MICAL2: variants seen among roughly 807,000 people sequenced by gnomAD.
MICAL2 encodes the protein [F-actin]-monooxygenase MICAL2.
A neutral mutation model predicts 127.3 loss-of-function variants in MICAL2; 77 were observed. That is an observed-to-expected ratio of 0.60 (90% CI 0.50 to 0.73). The LOEUF (loss-of-function observed/expected upper bound fraction) is 0.73. MICAL2 is among the 30% of genes least tolerant of loss of function. The pLI is 0.00. For missense variants in MICAL2, 1,351 were observed against 1,434.4 expected (o/e 0.94, Z 0.94); for synonymous variants, 570 against 551.1 (o/e 1.03, Z -0.48).
chr11:12,217,642 T>G (rs1590404702), intron 8 of MICAL2, among the ~76,000 whole-genome samples: 1 of 151,912 alleles, frequency 6.6e-6, no homozygotes, highest in South Asian at 2.1e-4. Context: ...GCTTGATGGG[T>G]TTTGTGTTTT....
At chr11:12,266,184 A>G (rs1252078604), downstream of MICAL2, among the ~76,000 whole-genome samples, 4 of 152,188 alleles carry the variant, frequency 2.6e-5, no homozygotes, top group Non-Finnish European at 4.4e-5. Flanking sequence ...TAAGAAAAAA[A>G]TATGAACTTC....
chr11:12,179,132 G>A (rs747733993), intron 3 of MICAL2, among the ~76,000 whole-genome samples: 5 of 152,092 alleles, frequency 3.3e-5, no homozygotes, highest in Admixed American at 1.3e-4. Context: ...GTGGATTAAA[G>A]TTCCAGCTCC....
chr11:12,262,082 A>G lies in MICAL2; in HGVS notation c.3335-398A>G, dbSNP rs1863191074. 11 of 1,088,490 alleles carry G rather than the reference A, an allele frequency of 1.0e-5. No homozygotes were observed. The South Asian group carries it at 2.8e-4, about 27-fold the overall frequency. 67.4% of individuals were successfully genotyped at this position (1,088,490 alleles called of 1,614,324 possible). On this transcript the variant is annotated intron_variant, in intron 26 of 27. Coordinates refer to ENST00000683283, the MANE Select transcript of MICAL2 (RefSeq NM_001282663.2). The stretch of plus-strand genomic sequence containing the variant: ...GGCGAGACAGGGCGTGCCTGTCAGA[A>G]ATCTGAGATGTTTGTACGCTCTGAG...
chr11:12,361,072 A>G (rs1939198255), downstream of MICAL2, among the ~76,000 whole-genome samples: 1 of 152,222 alleles, frequency 6.6e-6, no homozygotes, highest in African/African-American at 2.4e-5. Context: ...GCAGTGCCCC[A>G]TAAAAGGGCA....
intron 3 of MICAL2, among the ~76,000 whole-genome samples, chr11:12,178,450 T>C (rs1410244743): frequency 6.7e-6 from 1 of 149,350 alleles, no homozygotes; most frequent in Non-Finnish European, 1.5e-5. Context: ...CATGAATCAA[T>C]ACATGTAAGG....
intron 30 of MICAL2, among the ~76,000 whole-genome samples, chr11:12,321,028 A>G (rs1016622370): frequency 6.6e-6 from 1 of 152,174 alleles, no homozygotes; most frequent in Non-Finnish European, 1.5e-5. Context: ...AATTAGGCAG[A>G]GATCCCAGCA....
chr11:12,317,884 CG>C (rs1864248669), intron 29 of MICAL2, among the ~76,000 whole-genome samples: 1 of 151,962 alleles, frequency 6.6e-6, no homozygotes, highest in South Asian at 2.1e-4. Flanking sequence ...TCTTTCTTGC[CG>C]GAAGTGTAAG....
intron 1 of MICAL2, among the ~76,000 whole-genome samples, chr11:12,277,819 A>G (rs1051270776): frequency 7.2e-5 from 11 of 152,222 alleles, no homozygotes; most frequent in Non-Finnish European, 1.5e-4. Flanking sequence ...GAGGGCATTT[A>G]TGCAAACCTA....
At chr11:12,355,357 G>T (rs1461033092) in intron 34 of MICAL2, among the ~76,000 whole-genome samples, 2 of 152,154 alleles carry the variant, frequency 1.3e-5, no homozygotes, top group Non-Finnish European at 2.9e-5. Context: ...CGTGGGCAGG[G>T]CCAGGGCATC....
intron 15 of MICAL2, among the ~76,000 whole-genome samples, chr11:12,227,382 G>C (rs1348683476): frequency 6.6e-6 from 1 of 152,218 alleles, no homozygotes; most frequent in Non-Finnish European, 1.5e-5. Context: ...GAACATATTG[G>C]TGAATGCTTT....
Position 12,136,790 on chromosome 11 carries a change from G to A in MICAL2, c.-148-1600G>A, listed in dbSNP as rs115933167. 2.3e-3 allele frequency among the ~76,000 whole-genome samples: 351 copies of A among 152,192 alleles called. 1 individual carries two copies. Among genetic ancestry groups the A allele is most frequent in the African/African-American group, 8.1e-3 (335 of 41,492 alleles). On this transcript the variant is annotated intron_variant, in intron 1 of 27. Coordinates refer to ENST00000683283, the MANE Select transcript of MICAL2 (RefSeq NM_001282663.2). ...AGGCCTCTGTGAGCATCTGACCAGT[G>A]GTCAGCCCTTGTAGCCTGGTCCAGT...
At chr11:12,266,928 C>T (rs180939056), downstream of MICAL2, among the ~76,000 whole-genome samples, 15 of 152,362 alleles carry the variant, frequency 9.8e-5, no homozygotes, top group East Asian at 2.9e-3. Flanking sequence ...CTTTCCTGAT[C>T]TTGCACAGCA....
chr11:12,210,039 G>A (rs1022711699), intron 6 of MICAL2, among the ~76,000 whole-genome samples: 1 of 152,004 alleles, frequency 6.6e-6, no homozygotes, highest in Admixed American at 6.6e-5. Flanking sequence ...AATGGTATTC[G>A]CTTACTTTCA....
chr11:12,236,034 C>A, intron 15 of MICAL2, 143 bp from the exon 16 acceptor site: 1 of 699,566 alleles, frequency 1.4e-6, no homozygotes, highest in Non-Finnish European at 2.6e-6. Context: ...ACTACCACTC[C>A]TGCCTGTAGG....
intron 16 of MICAL2, 43 bp downstream of exon 16, chr11:12,236,288 G>A (rs1462755099): frequency 6.3e-7 from 1 of 1,581,710 alleles, no homozygotes; most frequent in African/African-American, 1.3e-5. Context: ...CTCGTTTCCT[G>A]ACAACCAGTG....
chr11:12,121,704 A>T (rs1017982972), intron 1 of MICAL2: 3 of 152,224 alleles, frequency 2.0e-5, no homozygotes, highest in African/African-American at 7.2e-5. Context: ...AGGGAGGTGG[A>T]TAAAGGCTGA....
intron 29 of MICAL2, among the ~76,000 whole-genome samples, chr11:12,310,740 A>G (rs950768470): frequency 6.6e-6 from 1 of 151,974 alleles, no homozygotes; most frequent in South Asian, 2.1e-4. Flanking sequence ...TAGGGGTTGC[A>G]TTGAATCTGT....
intron 30 of MICAL2, among the ~76,000 whole-genome samples, chr11:12,322,603 A>G (rs1261267962): frequency 6.6e-6 from 1 of 152,228 alleles, no homozygotes; most frequent in African/African-American, 2.4e-5. Context: ...AGAAATGTCT[A>G]GCATGCTCTA....
chr11:12,354,924 A>G lies in MICAL2; in HGVS notation c.5689+67A>G, dbSNP rs1189635681. The G allele has an allele frequency of 4.1e-6, 6 of 1,460,002 alleles. No homozygotes were observed. In the South Asian group the frequency reaches 4.8e-5, roughly 12 times the overall value. The allele number at this position is 1,460,002 out of a possible 1,614,324, so 90.4% of individuals were successfully genotyped here. On this transcript the variant is annotated intron_variant, in intron 34 of 34. Coordinates refer to the MICAL2 transcript ENST00000646065. ...AGGCTCCTGAGCAGCGTGTGCCACA[A>G]ATCCCAGAGTGGGGCGCTCTTCCTG...
Sources: gnomAD v4.1 joint callset for allele counts (sites outside exome capture counted in the v4.1 genomes callset) on GRCh38, gnomAD v4.1.1 for gene constraint, MANE v1.5 for transcripts, NCBI Gene and HGNC (gene_info 2026-07-23, HGNC 2026-07-21) for gene names.